PALS2: variants seen among roughly 807,000 people sequenced by gnomAD.
PALS2 encodes the protein protein associated with LIN7 2, MAGUK p55 family member, also known as protein PALS2.
Under a neutral mutation model 61.6 loss-of-function variants are expected in PALS2, and 27 were observed. That is an observed-to-expected ratio of 0.44 (90% CI 0.32 to 0.60). PALS2 has a LOEUF of 0.60. Among genes scored for constraint, PALS2 ranks in the 20% least tolerant of loss-of-function variants. PALS2 has a pLI of 0.05. For synonymous variants in PALS2, 236 were observed against 218.6 expected, an observed-to-expected ratio of 1.08 and a Z score of -0.70; for missense variants, 554 against 639.4, an observed-to-expected ratio of 0.87 and a Z score of 1.44.
intron 6 of PALS2, among the ~76,000 whole-genome samples, chr7:24,664,746 T>G (rs1322548612): frequency 6.6e-6 from 1 of 152,144 alleles, no homozygotes; most frequent in African/African-American, 2.4e-5. Context: ...CCCTGAACTT[T>G]TTTTAGATCC....
intron 5 of PALS2, among the ~76,000 whole-genome samples, chr7:24,656,019 A>G (rs550702413): frequency 2.0e-5 from 3 of 152,294 alleles, no homozygotes; most frequent in Non-Finnish European, 4.4e-5. Context: ...AAGTTCGTAC[A>G]CTGAAAATTT....
Position 24,690,747 on chromosome 7 carries a change from C to G in PALS2, c.*3133C>G, listed in dbSNP as rs1788428806. On this transcript the variant is annotated 3_prime_UTR_variant, in exon 12 of 12. Coordinates refer to ENST00000222644, the MANE Select transcript of PALS2 (RefSeq NM_001303037.2). ...TGGTAATATCACATGTCAAATACAT[C>G]AGGACTTTGTTTATTTTGGCTAACT... The G allele has an allele frequency of 6.6e-6, 1 of 152,092 alleles. No homozygotes were observed. The highest frequency in any genetic ancestry group is 1.5e-5 in the Non-Finnish European group (1 of 68,010). The allele number at this position is 152,092 out of a possible 1,614,324, so 9.4% of individuals were successfully genotyped here.
At chr7:24,657,222 A>G (rs1204889143) in intron 5 of PALS2, among the ~76,000 whole-genome samples, 1 of 152,224 alleles carries the variant, frequency 6.6e-6, no homozygotes, top group African/African-American at 2.4e-5. Context: ...TCTCTTGAGT[A>G]TATACCAGGG....
chr7:24,574,891 A>G (rs1032090917), intron 1 of PALS2, among the ~76,000 whole-genome samples: 2 of 152,200 alleles, frequency 1.3e-5, no homozygotes, highest in African/African-American at 2.4e-5. Flanking sequence ...ACGGACCTCA[A>G]GTAATATTGC....
At chr7:24,656,031 T>A (rs906572480) in intron 5 of PALS2, among the ~76,000 whole-genome samples, 3 of 152,220 alleles carry the variant, frequency 2.0e-5, no homozygotes, top group Admixed American at 1.3e-4. Flanking sequence ...TGAAAATTTT[T>A]AGAAAAAGAG....
intron 1 of PALS2, among the ~76,000 whole-genome samples, chr7:24,603,944 G>A (rs923001189): frequency 6.6e-6 from 1 of 152,124 alleles, no homozygotes; most frequent in African/African-American, 2.4e-5. Context: ...CCAGGAAAAT[G>A]TGAGTCATCA....
chr7:24,586,231 T>C (rs1783060661), intron 1 of PALS2, among the ~76,000 whole-genome samples: 1 of 152,162 alleles, frequency 6.6e-6, no homozygotes, highest in Non-Finnish European at 1.5e-5. Flanking sequence ...ATATATTTTA[T>C]TTAGCCATAA....
chr7:24,583,144 G>A (rs1385120992), intron 1 of PALS2, among the ~76,000 whole-genome samples: 2 of 151,870 alleles, frequency 1.3e-5, no homozygotes, highest in Non-Finnish European at 2.9e-5. Context: ...GCCTGCCTTG[G>A]CCTCCCAAAG....
At chr7:24,630,087 T>G (rs1414548553) in intron 2 of PALS2, among the ~76,000 whole-genome samples, 1 of 152,120 alleles carries the variant, frequency 6.6e-6, no homozygotes, top group African/African-American at 2.4e-5. Flanking sequence ...CAAATGCCCA[T>G]CAATGATAGA....
chr7:24,636,163 G>C (rs571621128), intron 2 of PALS2, among the ~76,000 whole-genome samples: 1 of 138,694 alleles, frequency 7.2e-6, no homozygotes, highest in South Asian at 2.2e-4. Context: ...AGTGAGCCGA[G>C]ATCACATCAT....
rs913019908 is a variant in PALS2, at chr7:24,650,673, A to T, written c.612A>T (p.Lys204Asn). Residue 204 changes from lysine (K) to asparagine (N), a missense_variant, in exon 5 of 12, where the codon AAA (lysine) becomes AAT (asparagine). Coordinates refer to ENST00000222644, the MANE Select transcript of PALS2 (RefSeq NM_001303037.2). ...LKNISGSVTL[K>N]ILPSYRDTIT... ...ATATTAGTGGAAGTGTCACCCTAAA[A>T]ATCTTACCAAGTTATAGAGATACCA... 1 of 1,608,420 alleles carries T rather than the reference A, an allele frequency of 6.2e-7. No homozygotes were observed. The highest frequency in any genetic ancestry group is 1.1e-5 in the South Asian group (1 of 90,802).
chr7:24,625,765 T>TA (rs1395072530), intron 2 of PALS2, among the ~76,000 whole-genome samples: 3 of 152,040 alleles, frequency 2.0e-5, no homozygotes, highest in Non-Finnish European at 4.4e-5. Flanking sequence ...CTTTTGATGA[T>TA]AAAAATGAAA....
At chr7:24,575,360 T>G (rs1219735334) in intron 1 of PALS2, among the ~76,000 whole-genome samples, 1 of 152,174 alleles carries the variant, frequency 6.6e-6, no homozygotes, top group African/African-American at 2.4e-5. Flanking sequence ...TTTTTTTCTT[T>G]AGGCCAACTG....
At chr7:24,621,220 T>C (rs968101037) in intron 1 of PALS2, among the ~76,000 whole-genome samples, 1 of 152,100 alleles carries the variant, frequency 6.6e-6, no homozygotes, top group Non-Finnish European at 1.5e-5. Context: ...CATTGTCCTC[T>C]TGTTCGCTTC....
Position 24,666,175 on chromosome 7 carries a change from A to G in PALS2, c.952+86A>G, listed in dbSNP as rs1283267262. 1.1e-5 allele frequency: 13 copies of G among 1,198,026 alleles called. No individual in the cohort carries two copies. In the East Asian group the frequency reaches 2.3e-4, roughly 22 times the overall value. The allele number at this position is 1,198,026 out of a possible 1,614,324, so 74.2% of individuals were successfully genotyped here. On this transcript the variant is annotated intron_variant, in intron 8 of 11. Coordinates refer to ENST00000222644, the MANE Select transcript of PALS2 (RefSeq NM_001303037.2). ...CATAAACTCTGAATATACAGCTTTA[A>G]GTGAGTGTAATTCAGATTAGTACCT...
chr7:24,660,870 T>A (rs973150152), intron 5 of PALS2, among the ~76,000 whole-genome samples: 1 of 152,234 alleles, frequency 6.6e-6, no homozygotes, highest in Non-Finnish European at 1.5e-5. Context: ...ACAGTTCTTT[T>A]GTAGAATGTT....
At chr7:24,668,801 C>A in intron 9 of PALS2, 141 bp downstream of exon 9, 1 of 1,045,712 alleles carries the variant, frequency 9.6e-7, no homozygotes, top group African/African-American at 1.6e-5. Context: ...AAGTAAAAGA[C>A]ATTGAAAAAT....
intron 1 of PALS2, among the ~76,000 whole-genome samples, chr7:24,590,061 A>G (rs1442929103): frequency 6.6e-6 from 1 of 152,164 alleles, no homozygotes; most frequent in Non-Finnish European, 1.5e-5. Context: ...TAAAAAACAT[A>G]CATCTTAGAA....
Position 24,650,598 on chromosome 7 carries a change from T to C in PALS2, c.537T>C (p.Asn179=). Reference sequence around the variant, plus strand: ...TGGGAGATATAATTAAAGAAGTCAATGGCCATGAGGTTGGAAATAATCCAA... The same window carrying C: ...TGGGAGATATAATTAAAGAAGTCAACGGCCATGAGGTTGGAAATAATCCAA... ...LHVGDIIKEV[N]GHEVGNNPKE... is the part of the protein sequence containing the mutation. The change falls in exon 5 of 12, where the codon AAT becomes AAC. Residue 179 remains asparagine, a synonymous_variant. Coordinates refer to ENST00000222644, the MANE Select transcript of PALS2 (RefSeq NM_001303037.2). 6.2e-7 allele frequency: 1 copy of C among 1,612,218 alleles called. No individual in the cohort carries two copies. Among genetic ancestry groups the C allele is most frequent in the Non-Finnish European group, 8.5e-7 (1 of 1,178,550 alleles).
Sources: allele counts gnomAD v4.1 joint callset (sites outside exome capture counted in the v4.1 genomes callset), GRCh38; gene constraint gnomAD v4.1.1; transcripts MANE v1.5; gene names NCBI Gene and HGNC (gene_info 2026-07-23, HGNC 2026-07-21).